The following EGF variants were observed in gnomAD, a reference collection of about 807,000 sequenced individuals.
EGF encodes epidermal growth factor, also known as pro-epidermal growth factor.
In EGF, 95 loss-of-function variants were observed where a neutral mutation model predicts 143.8. That is an observed-to-expected ratio of 0.66 (90% CI 0.56 to 0.78). The LOEUF is 0.78. EGF is among the 30% of genes least tolerant of loss of function. The pLI, the probability that EGF is intolerant of heterozygous loss-of-function variation, is 0.00. For missense variants in EGF, 1,320 were observed against 1,470.9 expected (o/e 0.90, Z 1.68); for synonymous variants, 510 against 510.5 (o/e 1.00, Z 0.01).
At chr4:109,975,877 A>C (rs1191403095) in intron 12 of EGF, 135 bp from the exon 13 acceptor site, 1 of 992,524 alleles carries the variant, frequency 1.0e-6, no homozygotes, top group Admixed American at 1.8e-5. Flanking sequence ...ATACAGCGCT[A>C]TCTCTTCTTC....
intron 10 of EGF, chr4:109,968,703 TCTATCTAC>T (rs969360374): frequency 1.3e-4 from 52 of 399,186 alleles, no homozygotes; most frequent in African/African-American, 3.7e-4. Context: ...TATCTATCTA[TCTATCTAC>T]CTACCTACCT....
intron 2 of EGF, 92 bp downstream of exon 2, chr4:109,941,237 T>C: frequency 8.3e-7 from 1 of 1,197,684 alleles, no homozygotes; most frequent in Non-Finnish European, 1.2e-6. Flanking sequence ...TAAATGAAAA[T>C]TATATAACAG....
intron 23 of EGF, 79 bp from the exon 24 acceptor site, chr4:110,011,123 A>G (rs1399933069): frequency 1.0e-5 from 16 of 1,540,548 alleles, no homozygotes; most frequent in Admixed American, 3.4e-5. Flanking sequence ...CAGTTCTTCA[A>G]CCACTACCGT....
intron 15 of EGF, among the ~76,000 whole-genome samples, chr4:109,982,098 CTAATT>C (rs1427575591): frequency 1.3e-5 from 2 of 150,792 alleles, no homozygotes; most frequent in Non-Finnish European, 3.0e-5. Flanking sequence ...CCATGCCTGG[CTAATT>C]TATTTTTATT....
chr4:109,927,778 G>C (rs1428561872), intron 1 of EGF, among the ~76,000 whole-genome samples: 1 of 148,618 alleles, frequency 6.7e-6, no homozygotes, highest in Non-Finnish European at 1.5e-5. Flanking sequence ...TCAGTAGACA[G>C]ATCAGGATAG....
intron 21 of EGF, chr4:110,001,504 C>A (rs568871879): frequency 2.3e-6 from 1 of 437,652 alleles, no homozygotes; most frequent in African/African-American, 2.1e-5. Context: ...AATGGTTCAT[C>A]CCATTGGATC....
At chr4:109,951,699 T>C (rs1256795844) in intron 5 of EGF, among the ~76,000 whole-genome samples, 1 of 152,212 alleles carries the variant, frequency 6.6e-6, no homozygotes, top group East Asian at 1.9e-4. Flanking sequence ...TTCTGAGGTT[T>C]AGAGATGTCA....
chr4:109,921,728 A>C (rs2024114), intron 1 of EGF, among the ~76,000 whole-genome samples: 43,858 of 151,304 alleles, frequency 0.29, 7,053 homozygotes, highest in Middle Eastern at 0.4. Context: ...TCACAACAGC[A>C]TCACGGCAGC....
chr4:109,966,386 T>G (rs369038278), intron 10 of EGF, among the ~76,000 whole-genome samples: 10 of 152,106 alleles, frequency 6.6e-5, no homozygotes, highest in Admixed American at 6.6e-4. Flanking sequence ...TTTCATTCTT[T>G]TTTATGAGCA....
intron 2 of EGF, 97 bp from the exon 3 acceptor site, chr4:109,943,157 A>G: frequency 1.1e-6 from 1 of 874,098 alleles, no homozygotes; most frequent in Non-Finnish European, 1.7e-6. Flanking sequence ...AAGATGACAA[A>G]TACTTAAAAG....
Position 109,999,704 on chromosome 4 carries a change from C to T in EGF, c.3031C>T (p.Arg1011Ter), listed in dbSNP as rs1752301468. 6.2e-7 allele frequency: 1 copy of T among 1,614,074 alleles called. No homozygotes were observed. The highest frequency in any genetic ancestry group is 8.5e-7 in the Non-Finnish European group (1 of 1,179,986). ...CTGTGTTGTTGGCTACATCGGGGAG[C>T]GATGTCAGTACCGAGACCTGAAGTG... ...CNCVVGYIGE[R>*]CQYRDLKWWE... The change falls in exon 21 of 24, where the codon CGA becomes TGA. Residue 1011 changes from arginine to a stop codon, truncating the protein, a stop_gained. Coordinates refer to ENST00000265171, the MANE Select transcript of EGF (RefSeq NM_001963.6). LOFTEE classifies it high-confidence loss of function.
At chr4:109,923,090 A>C (rs1175654398) in intron 1 of EGF, among the ~76,000 whole-genome samples, 2 of 151,374 alleles carry the variant, frequency 1.3e-5, no homozygotes, top group Non-Finnish European at 2.9e-5. Flanking sequence ...CATGTGACAA[A>C]ACTCCCCATT....
chr4:110,012,216 A>C lies in EGF; in HGVS notation c.*761A>C, dbSNP rs1385337962. The C allele has an allele frequency of 6.6e-6, 1 of 152,222 alleles. No individual in the cohort carries two copies. The allele number at this position is 152,222 out of a possible 1,614,324, so 9.4% of individuals were successfully genotyped here. On this transcript the variant is annotated 3_prime_UTR_variant, in exon 24 of 24. Transcript: ENST00000265171. ...ATTGCCTGATTTGTTTTCATTATAG[A>C]CAACGATGAATTTCTTCTAATTATT...
chr4:109,930,877 C>T (rs931180173), intron 1 of EGF, among the ~76,000 whole-genome samples: 1 of 152,212 alleles, frequency 6.6e-6, no homozygotes, highest in Non-Finnish European at 1.5e-5. Context: ...ATTCTGAACT[C>T]CTTTCTAATT....
intron 1 of EGF, among the ~76,000 whole-genome samples, chr4:109,923,761 C>CTT (rs1311554864): frequency 2.0e-4 from 31 of 151,404 alleles, no homozygotes; most frequent in Admixed American, 2.0e-3. Context: ...GCTGGAACTA[C>CTT]AGGTGTACGC....
intron 1 of EGF, among the ~76,000 whole-genome samples, chr4:109,917,679 G>A (rs935301365): frequency 4.6e-5 from 7 of 152,034 alleles, no homozygotes; most frequent in Non-Finnish European, 8.8e-5. Context: ...GGAGTACAGT[G>A]GCATGATCTT....
rs1253682366 is a variant in EGF at position 109,983,490 on chromosome 4, G to A, written c.2440G>A (p.Asp814Asn). 1 of 1,613,812 alleles carries A rather than the reference G, an allele frequency of 6.2e-7. No homozygotes were observed. The highest frequency in any genetic ancestry group is 8.5e-7 in the Non-Finnish European group (1 of 1,179,832). ...CTTGTCCAAGACTAGAGTGTCAGAA[G>A]ATAACATTACAGAATCTCAACACAT... ...DILSKTRVSEDNITESQHMLV... is the reference protein window; with the variant it reads ...DILSKTRVSENNITESQHMLV... Residue 814 changes from aspartate (D) to asparagine (N), a missense_variant, in exon 16 of 24, where the codon GAT (aspartate) becomes AAT (asparagine). Transcript: ENST00000265171.
chr4:109,973,553 C>A (rs1328882475), intron 11 of EGF, among the ~76,000 whole-genome samples: 1 of 152,052 alleles, frequency 6.6e-6, no homozygotes, highest in Non-Finnish European at 1.5e-5. Context: ...CATGTGCTTT[C>A]ATTTGCTGTG....
At chr4:109,956,275 A>G (rs1274541396) in intron 5 of EGF, among the ~76,000 whole-genome samples, 1 of 152,218 alleles carries the variant, frequency 6.6e-6, no homozygotes, top group African/African-American at 2.4e-5. Flanking sequence ...GACAAAATTC[A>G]GTTTCCCTGA....
Sources: allele counts gnomAD v4.1 joint callset (sites outside exome capture counted in the v4.1 genomes callset), GRCh38; gene constraint gnomAD v4.1.1; transcripts MANE v1.5; gene names NCBI Gene and HGNC (gene_info 2026-07-23, HGNC 2026-07-21).